The following VCP variants were observed in gnomAD, a reference collection of about 807,000 sequenced individuals.
VCP encodes valosin containing protein.
A neutral mutation model predicts 85.7 loss-of-function variants in VCP; 6 were observed. That is an observed-to-expected ratio of 0.07 (90% CI 0.04 to 0.14). The LOEUF (loss-of-function observed/expected upper bound fraction) is 0.14, where lower values mean the gene tolerates loss of function less well. Among genes scored for constraint, VCP ranks in the 10% least tolerant of loss-of-function variants. The pLI is 1.00. For synonymous variants in VCP, 384 were observed against 367.1 expected (o/e 1.05, Z -0.53); for missense variants, 353 against 1,043.4 (o/e 0.34, Z 9.12).
chr9:35,062,262 G>A lies in VCP; in HGVS notation c.900C>T (p.Ile300=), dbSNP rs372839296. 9.9e-6 allele frequency: 16 copies of A among 1,614,090 alleles called. No homozygotes were observed. Among genetic ancestry groups the A allele is most frequent in the Non-Finnish European group, 1.4e-5 (16 of 1,180,054 alleles). ...FEEAEKNAPA[I]IFIDELDAIA... ...TGGCATCTAGCTCATCAATGAAGATGATGGCAGGAGCATTCTTCTCAGCCT... is the reference window on the plus strand; with the variant it reads ...TGGCATCTAGCTCATCAATGAAGATAATGGCAGGAGCATTCTTCTCAGCCT... Residue 300 remains isoleucine (I), a synonymous_variant, in exon 8 of 17, where the codon ATC becomes ATT. Coordinates refer to ENST00000358901, the MANE Select transcript of VCP (RefSeq NM_007126.5).
At chr9:35,061,505 A>T in intron 10 of VCP, 72 bp downstream of exon 10, 2 of 1,387,256 alleles carry the variant, frequency 1.4e-6, no homozygotes, top group Non-Finnish European at 2.1e-6. Flanking sequence ...TCTTAACCTT[A>T]TGTCTCTAGC....
chr9:35,070,571 C>CT (rs1277381951), intron 1 of VCP, among the ~76,000 whole-genome samples: 1 of 152,092 alleles, frequency 6.6e-6, no homozygotes, highest in Non-Finnish European at 1.5e-5. Context: ...GTGGCTGGGA[C>CT]TACAGGTGTG....
rs1356010891 is a variant in VCP at position 35,062,973 on chromosome 9, C to G, written c.811+5G>C. 6 of 1,613,844 alleles carry G rather than the reference C, an allele frequency of 3.7e-6. No individual in the cohort carries two copies. The African/African-American group carries it at 4.0e-5, about 11-fold the overall frequency. Reference sequence around the variant, plus strand: ...GCTAGACATAAGATGAACCAAATATCTCACCATTGATCAAGAAGAAGAAGG... The same window carrying G: ...GCTAGACATAAGATGAACCAAATATGTCACCATTGATCAAGAAGAAGAAGG... On this transcript the variant is annotated splice_donor_5th_base_variant and intron_variant, in intron 7 of 16. Transcript: ENST00000358901.
chr9:35,058,495 G>T (rs943240405), intron 15 of VCP, among the ~76,000 whole-genome samples: 5 of 152,154 alleles, frequency 3.3e-5, no homozygotes, highest in Non-Finnish European at 4.4e-5. Context: ...TTGCTCTGTG[G>T]TTCACGCCTG....
chr9:35,062,194 T>C (rs1828739943), intron 8 of VCP, 23 bp downstream of exon 8: 1 of 1,614,140 alleles, frequency 6.2e-7, no homozygotes, highest in Non-Finnish European at 8.5e-7. Flanking sequence ...AACCCCCCTC[T>C]ATCCCCTCAG....
At position 35,064,302 on chromosome 9, in the gene VCP, T is replaced by C. The variant is rs1563979120; in HGVS notation, c.577-17A>G. The C allele has an allele frequency of 2.5e-6, 4 of 1,613,800 alleles. No individual in the cohort carries two copies. Among genetic ancestry groups the C allele is most frequent in the Non-Finnish European group, 3.4e-6 (4 of 1,179,972 alleles). The stretch of plus-strand genomic sequence containing the variant: ...TTCCTCATCCTGAATATGGAGGAGA[T>C]AAAGAAAGGAGAAGGCAAGAATATT... On this transcript the variant is annotated splice_polypyrimidine_tract_variant and intron_variant, in intron 5 of 16. Coordinates refer to ENST00000358901, the MANE Select transcript of VCP (RefSeq NM_007126.5).
chr9:35,061,857 G>A (rs1195099964), intron 9 of VCP, 146 bp downstream of exon 9: 1 of 1,489,542 alleles, frequency 6.7e-7, no homozygotes, highest in Non-Finnish European at 9.2e-7. Context: ...CAGGGTGGTT[G>A]GTCACTCTAG....
chr9:35,071,674 T>A (rs1828948050), intron 1 of VCP: 5 of 980,728 alleles, frequency 5.1e-6, no homozygotes, highest in South Asian at 4.7e-5. Context: ...AGGCCTAAAG[T>A]AAGAAGACCA....
Position 35,056,304 on chromosome 9 carries a change from A to C in VCP, c.*813T>G, listed in dbSNP as rs916357138. 4 of 152,390 alleles carry C rather than the reference A, an allele frequency of 2.6e-5. No individual in the cohort carries two copies. Among genetic ancestry groups the C allele is most frequent in the African/African-American group, 9.7e-5 (4 of 41,444 alleles). 9.4% of individuals were successfully genotyped at this position (152,390 alleles called of 1,614,324 possible). ...TCCTGCAGGCCTAGCCTTACCGTCCACATCAAATATAGGTGGAGGGATGCC... is the reference window on the plus strand; with the variant it reads ...TCCTGCAGGCCTAGCCTTACCGTCCCCATCAAATATAGGTGGAGGGATGCC... On this transcript the variant is annotated 3_prime_UTR_variant, in exon 17 of 17. Coordinates refer to ENST00000358901, the MANE Select transcript of VCP (RefSeq NM_007126.5).
intron 15 of VCP, chr9:35,057,842 T>G: frequency 2.3e-6 from 1 of 440,062 alleles, no homozygotes; most frequent in Non-Finnish European, 4.2e-6. Flanking sequence ...TGGTAGTAGT[T>G]ATAGAACTTA....
rs527728553 is a variant in VCP, at chr9:35,059,902, G to T, written c.1696-101C>A. The T allele has an allele frequency of 3.3e-5, 49 of 1,483,474 alleles. No homozygotes were observed. The African/African-American group carries it at 5.5e-4, about 17-fold the overall frequency. 91.9% of individuals were successfully genotyped at this position (1,483,474 alleles called of 1,614,324 possible). A position where few individuals can be genotyped will look rare whatever the true frequency, so the allele number is the denominator to read the frequency against. Reference sequence around the variant, plus strand: ...ATTCCCAGCACTTTGGGAGGCCAAGGTGGGAGGATCACTTGAGGCCAGAAA... The same window carrying T: ...ATTCCCAGCACTTTGGGAGGCCAAGTTGGGAGGATCACTTGAGGCCAGAAA... On this transcript the variant is annotated intron_variant, in intron 13 of 16. Coordinates refer to ENST00000358901, the MANE Select transcript of VCP (RefSeq NM_007126.5). The surrounding 1 kb of genome is among the most constrained non-coding windows in gnomAD (Gnocchi z 4.9).
rs1563976866 is a variant in VCP at position 35,060,520 on chromosome 9, A to G, written c.1488T>C (p.Pro496=). 1.9e-6 allele frequency: 3 copies of G among 1,614,088 alleles called. No individual in the cohort carries two copies. Among genetic ancestry groups the G allele is most frequent in the Non-Finnish European group, 2.5e-6 (3 of 1,180,032 alleles). Residue 496 remains proline (P), a synonymous_variant, in exon 13 of 17, where the codon CCT becomes CCC. Coordinates refer to ENST00000358901, the MANE Select transcript of VCP (RefSeq NM_007126.5). ...KRELQELVQY[P]VEHPDKFLKF... is the part of the protein sequence containing the mutation. ...TCAGGAATTTGTCTGGGTGCTCCAC[A>G]GGATACTAGGAGGAAAAGGAAAGAG...
chr9:35,060,285 A>G, intron 13 of VCP, 28 bp downstream of exon 13: 1 of 1,612,374 alleles, frequency 6.2e-7, no homozygotes, highest in South Asian at 1.1e-5. Flanking sequence ...AGGCAAATCA[A>G]TACATAGTTC....
chr9:35,071,187 A>G (rs951667141), intron 1 of VCP, among the ~76,000 whole-genome samples: 3 of 152,132 alleles, frequency 2.0e-5, no homozygotes, highest in Non-Finnish European at 2.9e-5. Context: ...CAACTGAGTA[A>G]TACTTTATCC....
rs1034145401 is a variant in VCP at position 35,061,634 on chromosome 9, C to T, written c.1137G>A (p.Glu379=). The change falls in exon 10 of 17, where the codon GAG becomes GAA. Residue 379 remains glutamate, a synonymous_variant. Coordinates refer to ENST00000358901, the MANE Select transcript of VCP (RefSeq NM_007126.5). The part of the protein sequence containing the change: ...IGIPDATGRL[E]ILQIHTKNMK... ...TGTTCTTGGTATGGATCTGAAGAAT[C>T]TCTAAGCGTCCTGTAGCATCAGGAA... 1.5e-5 allele frequency: 24 copies of T among 1,614,076 alleles called. No individual in the cohort carries two copies. The highest frequency in any genetic ancestry group is 4.0e-5 in the African/African-American group (3 of 74,924).
chr9:35,067,522 T>A (rs193104260), intron 3 of VCP, among the ~76,000 whole-genome samples: 19 of 152,190 alleles, frequency 1.2e-4, no homozygotes, highest in Admixed American at 1.1e-3. Context: ...ACACAAGCCA[T>A]CAATTAGACA....
Position 35,057,210 on chromosome 9 carries a change from C to T in VCP, c.2328G>A (p.Gly776=). ...RGFGSFRFPS[G]NQGGAGPSQG... ...GACTGGGGCCAGCTCCACCCTGGTT[C>T]CCTGAAGGGAATCTGTGTACAAGAG... Residue 776 remains glycine (G), a synonymous_variant, in exon 17 of 17, where the codon GGG becomes GGA. Coordinates refer to ENST00000358901, the MANE Select transcript of VCP (RefSeq NM_007126.5). 6.2e-7 allele frequency: 1 copy of T among 1,614,220 alleles called. No homozygotes were observed. Among genetic ancestry groups the T allele is most frequent in the Non-Finnish European group, 8.5e-7 (1 of 1,180,034 alleles).
intron 5 of VCP, 57 bp downstream of exon 5, chr9:35,065,194 A>G: frequency 1.2e-6 from 2 of 1,612,834 alleles, no homozygotes; most frequent in Non-Finnish European, 1.7e-6. Flanking sequence ...CAGTTACCAC[A>G]TGATGCCACA....
intron 13 of VCP, 117 bp downstream of exon 13, chr9:35,060,196 A>T: frequency 9.3e-7 from 1 of 1,077,850 alleles, no homozygotes; most frequent in Non-Finnish European, 1.4e-6. Flanking sequence ...AAATCAAGTG[A>T]CTTACTGTGC....
Sources: allele counts gnomAD v4.1 joint callset (sites outside exome capture counted in the v4.1 genomes callset), GRCh38; gene constraint gnomAD v4.1.1; non-coding constraint Gnocchi (gnomAD v3.1); transcripts MANE v1.5; gene names NCBI Gene and HGNC (gene_info 2026-07-23, HGNC 2026-07-21).